Variants in DCHS1 observed in about 807,000 individuals in gnomAD.
DCHS1 encodes protocadherin-16.
In DCHS1, 78 loss-of-function variants were observed where a neutral mutation model predicts 213.9. That is an observed-to-expected ratio of 0.36 (90% CI 0.30 to 0.44). DCHS1 has a LOEUF of 0.44. DCHS1 is among the 20% of genes least tolerant of loss of function. The probability of loss-of-function intolerance (pLI) is 1.00; values close to 1 mark genes in which losing one functional copy is unlikely to be tolerated. For missense variants in DCHS1, 3,946 were observed against 4,395.9 expected (o/e 0.90, Z 2.89); for synonymous variants, 1,828 against 1,873.7 (o/e 0.98, Z 0.63).
chr11:6,631,531 G>A, intron 7 of DCHS1, 85 bp downstream of exon 7: 1 of 1,570,834 alleles, frequency 6.4e-7, no homozygotes, highest in Non-Finnish European at 8.7e-7. Context: ...CCAGGAGGCA[G>A]TCTCTTACCT....
At position 6,632,610 on chromosome 11, in the gene DCHS1, G is replaced by GCTCCAGCTC; in HGVS notation, c.2893_2901dup (p.Glu965_Glu967dup). 1.3e-6 allele frequency: 2 copies of GCTCCAGCTC among 1,531,200 alleles called. No individual in the cohort carries two copies. The highest frequency in any genetic ancestry group is 1.8e-6 in the Non-Finnish European group (2 of 1,134,556). The allele number at this position is 1,531,200 out of a possible 1,614,324, so 94.9% of individuals were successfully genotyped here. A position where few individuals can be genotyped will look rare whatever the true frequency, so the allele number is the denominator to read the frequency against. ...GGGGAGCCCCCATCCCGGGCCTCCA[G>GCTCCAGCTC]CTCCAGCTCATGGGCTGGCCCTCCT... is the stretch of plus-strand genomic sequence containing the variant. On this transcript the variant is annotated inframe_insertion, in exon 6 of 21. Transcript: ENST00000299441. The surrounding 1 kb of genome is among the most constrained non-coding windows in gnomAD (Gnocchi z 5.9).
At position 6,632,002 on chromosome 11, in the gene DCHS1, G is replaced by T; in HGVS notation, c.3481+29C>A. 6.7e-7 allele frequency: 1 copy of T among 1,495,398 alleles called. No individual in the cohort carries two copies. Among genetic ancestry groups the T allele is most frequent in the Non-Finnish European group, 8.9e-7 (1 of 1,126,922 alleles). 92.6% of individuals were successfully genotyped at this position (1,495,398 alleles called of 1,614,324 possible). On this transcript the variant is annotated intron_variant, in intron 6 of 20. Coordinates refer to ENST00000299441, the MANE Select transcript of DCHS1 (RefSeq NM_003737.4). The surrounding 1 kb of genome is among the most constrained non-coding windows in gnomAD (Gnocchi z 5.9). ...CACCAGGCTGGGGATAAGGCTATGCGGTCTCAGGATTTGGGTCTCTGTGCT... is the reference window on the plus strand; with the variant it reads ...CACCAGGCTGGGGATAAGGCTATGCTGTCTCAGGATTTGGGTCTCTGTGCT...
chr11:6,631,007 G>T, intron 9 of DCHS1, 46 bp downstream of exon 9: 1 of 1,562,236 alleles, frequency 6.4e-7, no homozygotes, highest in Non-Finnish European at 8.7e-7. Flanking sequence ...TGGAGCTACT[G>T]AAGGGGACCT....
In DCHS1 at chr11:6,627,209, C is replaced by G; in HGVS notation, c.5830G>C (p.Val1944Leu). Residue 1944 changes from valine (V) to leucine (L), a missense_variant, in exon 14 of 21, where the codon GTG becomes CTG. Coordinates refer to ENST00000299441, the MANE Select transcript of DCHS1 (RefSeq NM_003737.4). The surrounding 1 kb of genome is among the most constrained non-coding windows in gnomAD (Gnocchi z 5.4). ...TCGCGCACCGTGATGGTGACAGACA[C>G]TGTGGTGCTTAGGGGCCCAGCAGCT... ...GAAAGPLSTT[V>L]SVTITVRDVN... 1.2e-6 allele frequency: 2 copies of G among 1,613,244 alleles called. No individual in the cohort carries two copies.
At chr11:6,638,064 C>T (rs896704536) in intron 2 of DCHS1, among the ~76,000 whole-genome samples, 1 of 152,156 alleles carries the variant, frequency 6.6e-6, no homozygotes, top group Non-Finnish European at 1.5e-5. Flanking sequence ...AGCCATAGCC[C>T]ATTGGTCCTG....
intron 2 of DCHS1, chr11:6,635,352 C>T (rs1855972069): frequency 6.6e-6 from 1 of 152,174 alleles, no homozygotes; most frequent in Non-Finnish European, 1.5e-5. Flanking sequence ...AACCTTCTTT[C>T]ACACTAAGTT....
rs1267320852 is a variant in DCHS1, at chr11:6,641,582, C to T, written c.32G>A (p.Cys11Tyr). ...GGGCCTGGGGCTCTTCATGCCAGGG[C>T]AGGAAGGCACAATGCCCAGCTCCTT... is the stretch of plus-strand genomic sequence containing the variant. MQKELGIVPS[C>Y]PGMKSPRPHL... is the part of the protein sequence containing the mutation. The change falls in exon 2 of 21, where the codon TGC becomes TAC. Residue 11 changes from cysteine (C) to tyrosine (Y), a missense_variant. Physicochemically the swap from Cys to Tyr is radical, Grantham distance 194. Around this residue, in one of 3 missense-constraint regions of DCHS1, gnomAD observed 3,384 missense variants for 3,780.1 expected, o/e 0.90. Transcript: ENST00000299441. This position sits in a 1 kb window ranked among gnomAD's most constrained non-coding sequence, Gnocchi z 7.1. 6.5e-7 allele frequency: 1 copy of T among 1,550,036 alleles called. No homozygotes were observed. Among genetic ancestry groups the T allele is most frequent in the Non-Finnish European group, 8.7e-7 (1 of 1,146,630 alleles).
At chr11:6,652,183 G>A (rs1241551480) in intron 1 of DCHS1, among the ~76,000 whole-genome samples, 1 of 152,166 alleles carries the variant, frequency 6.6e-6, no homozygotes, top group Non-Finnish European at 1.5e-5. Flanking sequence ...CCTGTTAAAT[G>A]TTGATAGAAT....
Position 6,627,336 on chromosome 11 carries a change from G to A in DCHS1, c.5703C>T (p.Ala1901=). 1 of 1,609,470 alleles carries A rather than the reference G, an allele frequency of 6.2e-7. No individual in the cohort carries two copies. The highest frequency in any genetic ancestry group is 8.5e-7 in the Non-Finnish European group (1 of 1,177,934). ...CTCCAGAGCTGGGCTCCAGCAGGAA[G>A]GCTCCTGCTGTACCGGCGCCCAGGT... ...TYYLGAGTAG[A]FLLEPSSGEL... The change falls in exon 14 of 21, where the codon GCC becomes GCT. Residue 1901 remains alanine (A), a synonymous_variant. Coordinates refer to ENST00000299441, the MANE Select transcript of DCHS1 (RefSeq NM_003737.4). This position sits in a 1 kb window ranked among gnomAD's most constrained non-coding sequence, Gnocchi z 5.4.
Position 6,655,555 on chromosome 11 carries a change from G to C in DCHS1, c.-121+8C>G. ...GGCCAGACGGGCCGGGCGGGCGCGG[G>C]CACTGACCTCCGCGCGACGCGGGCT... is the stretch of plus-strand genomic sequence containing the variant. On this transcript the variant is annotated splice_region_variant and intron_variant, in intron 1 of 20. Transcript: ENST00000299441. 1 of 981,006 alleles carries C rather than the reference G, an allele frequency of 1.0e-6. No homozygotes were observed. Among genetic ancestry groups the C allele is most frequent in the Middle Eastern group, 5.2e-4 (1 of 1,910 alleles). 60.8% of individuals were successfully genotyped at this position (981,006 alleles called of 1,614,324 possible).
Position 6,633,945 on chromosome 11 carries a change from G to T in DCHS1, c.2062C>A (p.Arg688=). ...ENDNPPQFYP[R]EYAASISAQS... ...GCACTTATACTGGCAGCATACTCCCGTGGATAAAACTGAGGAGGGTTGTCA... is the reference window on the plus strand; with the variant it reads ...GCACTTATACTGGCAGCATACTCCCTTGGATAAAACTGAGGAGGGTTGTCA... The change falls in exon 4 of 21, where the codon CGG becomes AGG. Residue 688 remains arginine, a synonymous_variant. Transcript: ENST00000299441. 1 of 1,614,014 alleles carries T rather than the reference G, an allele frequency of 6.2e-7. No homozygotes were observed. The highest frequency in any genetic ancestry group is 8.5e-7 in the Non-Finnish European group (1 of 1,179,892).
Position 6,622,957 on chromosome 11 carries a change from G to A in DCHS1, c.8719C>T (p.Pro2907Ser). The part of the protein sequence containing the change: ...ELRLEVIARG[P>S]LPGSRSATVP... ...GTGGCACTCCGGGAACCAGGCAGAG[G>A]CCCCCGTGCTATCACCTCCAGCCTC... The change falls in exon 21 of 21, where the codon CCT becomes TCT. Residue 2907 changes from proline to serine, a missense_variant. This residue lies in a region of DCHS1 where 554 missense variants were observed against 590.2 expected (regional missense o/e 0.94). Transcript: ENST00000299441. The surrounding 1 kb of genome is among the most constrained non-coding windows in gnomAD (Gnocchi z 5.4). The A allele has an allele frequency of 6.3e-7, 1 of 1,578,222 alleles. No individual in the cohort carries two copies. The highest frequency in any genetic ancestry group is 8.6e-7 in the Non-Finnish European group (1 of 1,162,394).
rs1287455432 is a variant in DCHS1, at chr11:6,627,691, T to C, written c.5372-24A>G. ...ATCTGCAGAGAAGGGCATGCACATA[T>C]AAATATACATGTGTCGTGGGGATGG... On this transcript the variant is annotated intron_variant, in intron 13 of 20. Coordinates refer to ENST00000299441, the MANE Select transcript of DCHS1 (RefSeq NM_003737.4). The surrounding 1 kb of genome is among the most constrained non-coding windows in gnomAD (Gnocchi z 5.4). 2.5e-6 allele frequency: 4 copies of C among 1,600,616 alleles called. No individual in the cohort carries two copies. Among genetic ancestry groups the C allele is most frequent in the Non-Finnish European group, 3.4e-6 (4 of 1,171,126 alleles).
chr11:6,624,136 T>C lies in DCHS1; in HGVS notation c.7540A>G (p.Ser2514Gly), dbSNP rs751381319. Residue 2514 changes from serine (S) to glycine (G), a missense_variant, in exon 21 of 21, where the codon AGC (serine) becomes GGC (glycine). By Grantham distance (56) the Ser-to-Gly change is moderately conservative. Transcript: ENST00000299441. ...ATGCTGTAGTCCACAGCGGCATGGC[T>C]GCGGCTTCCATCAGCATCTGTAGCC... ...LEATDADGSR[S>G]HAAVDYSIIS... is the part of the protein sequence containing the mutation. 1 of 1,611,732 alleles carries C rather than the reference T, an allele frequency of 6.2e-7. No homozygotes were observed. Among genetic ancestry groups the C allele is most frequent in the East Asian group, 2.2e-5 (1 of 44,834 alleles).
In DCHS1 at chr11:6,641,213, G is replaced by C. The variant is rs1856068437; in HGVS notation, c.401C>G (p.Ala134Gly). ...GGCTGGAGCATGGTCGTTGATGTCA[G>C]CCACTCGCACTGTAACTTCTACGGT... The part of the protein sequence containing the change: ...GATVEVTVRV[A>G]DINDHAPAFP... The change falls in exon 2 of 21, where the codon GCT becomes GGT. Residue 134 changes from alanine to glycine, a missense_variant. Physicochemically the swap from Ala to Gly is moderately conservative, Grantham distance 60. Around this residue, in one of 3 missense-constraint regions of DCHS1, gnomAD observed 3,384 missense variants for 3,780.1 expected, o/e 0.90. Transcript: ENST00000299441. The surrounding 1 kb of genome is among the most constrained non-coding windows in gnomAD (Gnocchi z 7.1). The C allele has an allele frequency of 6.2e-7, 1 of 1,613,598 alleles. No individual in the cohort carries two copies. Among genetic ancestry groups the C allele is most frequent in the African/African-American group, 1.3e-5 (1 of 74,948 alleles).
rs1156892325 is a variant in DCHS1 at position 6,640,917 on chromosome 11, G to T, written c.697C>A (p.Pro233Thr). 1.9e-6 allele frequency: 3 copies of T among 1,614,048 alleles called. No individual in the cohort carries two copies. Among genetic ancestry groups the T allele is most frequent in the Non-Finnish European group, 2.5e-6 (3 of 1,179,896 alleles). Residue 233 changes from proline to threonine, a missense_variant, in exon 2 of 21, where the codon CCC becomes ACC. Physicochemically the swap from Pro to Thr is conservative, Grantham distance 38. This residue lies in a region of DCHS1 where 3,384 missense variants were observed against 3,780.1 expected (regional missense o/e 0.90). Transcript: ENST00000299441. The surrounding 1 kb of genome is among the most constrained non-coding windows in gnomAD (Gnocchi z 6.5). ...LQLEAYDGGSPPRRAQALLDV... is the reference protein window; with the variant it reads ...LQLEAYDGGSTPRRAQALLDV... ...AGCAGGGCCTGGGCCCTCCGGGGGG[G>T]TGAACCACCATCATAGGCCTCCAGC...
Position 6,626,750 on chromosome 11 carries a change from T to G in DCHS1, c.6250+39A>C. On this transcript the variant is annotated intron_variant, in intron 14 of 20. Coordinates refer to ENST00000299441, the MANE Select transcript of DCHS1 (RefSeq NM_003737.4). This position sits in a 1 kb window ranked among gnomAD's most constrained non-coding sequence, Gnocchi z 5.2. The stretch of plus-strand genomic sequence containing the variant: ...TTTTCAAAGCACAACCCCAGCCCAT[T>G]TGGGAGTCTGAATCTGGAAGAAATG... 1 of 1,609,220 alleles carries G rather than the reference T, an allele frequency of 6.2e-7. No homozygotes were observed. The highest frequency in any genetic ancestry group is 8.5e-7 in the Non-Finnish European group (1 of 1,177,716).
rs1047338552 is a variant in DCHS1 at position 6,641,897 on chromosome 11, C to T, written c.-120-164G>A. 9.9e-5 allele frequency among the ~76,000 whole-genome samples: 15 copies of T among 152,230 alleles called. No individual in the cohort carries two copies. Among genetic ancestry groups the T allele is most frequent in the African/African-American group, 3.4e-4 (14 of 41,464 alleles). ...CACGGATCTCTGCCTCAGGACTCTT[C>T]GAGGCCACTCCAGCCTTCCCCTTGG... On this transcript the variant is annotated intron_variant, in intron 1 of 20. Coordinates refer to ENST00000299441, the MANE Select transcript of DCHS1 (RefSeq NM_003737.4). The surrounding 1 kb of genome is among the most constrained non-coding windows in gnomAD (Gnocchi z 7.1).
Position 6,633,938 on chromosome 11 carries a change from T to C in DCHS1, c.2069A>G (p.Tyr690Cys). 6.2e-7 allele frequency: 1 copy of C among 1,614,016 alleles called. No individual in the cohort carries two copies. The highest frequency in any genetic ancestry group is 1.1e-5 in the South Asian group (1 of 91,086). ...DNPPQFYPRE[Y>C]AASISAQSPP... ...ACTCTGGGCACTTATACTGGCAGCA[T>C]ACTCCCGTGGATAAAACTGAGGAGG... is the stretch of plus-strand genomic sequence containing the variant. Residue 690 changes from tyrosine (Y) to cysteine (C), a missense_variant, in exon 4 of 21, where the codon TAT (tyrosine) becomes TGT (cysteine). By Grantham distance (194) the Tyr-to-Cys change is radical. Coordinates refer to ENST00000299441, the MANE Select transcript of DCHS1 (RefSeq NM_003737.4).
Sources: gnomAD v4.1 joint callset for allele counts (sites outside exome capture counted in the v4.1 genomes callset) on GRCh38, gnomAD v4.1.1 for gene constraint, gnomAD v4.1.1 regional missense constraint, Gnocchi (gnomAD v3.1) non-coding constraint, MANE v1.5 for transcripts, NCBI Gene and HGNC (gene_info 2026-07-23, HGNC 2026-07-21) for gene names.